Variants in ARL15 observed in about 807,000 individuals in gnomAD.
ARL15 encodes the protein ADP-ribosylation factor-like protein 15.
In ARL15, 19 loss-of-function variants were observed where a neutral mutation model predicts 25.2. The observed-to-expected ratio is 0.75, with a 90% CI of 0.53 to 1.10. The LOEUF (loss-of-function observed/expected upper bound fraction) is 1.10, where lower values mean the gene tolerates loss of function less well. ARL15 is among the 50% of genes least tolerant of loss of function. The probability of loss-of-function intolerance (pLI) is 0.00; values close to 1 mark genes in which losing one functional copy is unlikely to be tolerated. For missense variants in ARL15, 220 were observed against 246.0 expected (o/e 0.89, Z 0.71); for synonymous variants, 94 against 86.8 (o/e 1.08, Z -0.46).
chr5:54,272,760 G>A (rs1199797594), intron 1 of ARL15, among the ~76,000 whole-genome samples: 1 of 152,130 alleles, frequency 6.6e-6, no homozygotes, highest in Admixed American at 6.5e-5. Flanking sequence ...TCTACAGTCA[G>A]AAGGTAAAAA....
chr5:54,176,070 C>G (rs1754863369), intron 1 of ARL15, among the ~76,000 whole-genome samples: 1 of 152,182 alleles, frequency 6.6e-6, no homozygotes, highest in Non-Finnish European at 1.5e-5. Context: ...TCCCCAAGCT[C>G]TTTCTCTAAG....
chr5:54,101,227 T>C (rs1293567535), intron 4 of ARL15, among the ~76,000 whole-genome samples: 1 of 152,102 alleles, frequency 6.6e-6, no homozygotes, highest in African/African-American at 2.4e-5. Context: ...ATCTTAAAAA[T>C]ATGATACAAC....
chr5:54,075,156 T>C (rs1185236761), intron 4 of ARL15, among the ~76,000 whole-genome samples: 1 of 148,348 alleles, frequency 6.7e-6, no homozygotes, highest in East Asian at 2.0e-4. Flanking sequence ...CCAAAGAAGC[T>C]ATTATAAGAT....
chr5:53,899,489 A>G (rs1021486941), intron 4 of ARL15, among the ~76,000 whole-genome samples: 3 of 148,930 alleles, frequency 2.0e-5, no homozygotes, highest in African/African-American at 7.5e-5. Flanking sequence ...TTCTAGTGTA[A>G]TCTTTATTAT....
At chr5:54,196,166 A>C (rs2112468993) in intron 1 of ARL15, among the ~76,000 whole-genome samples, 1 of 152,332 alleles carries the variant, frequency 6.6e-6, no homozygotes, top group South Asian at 2.1e-4. Flanking sequence ...TTTTAGAGCT[A>C]GAAAATACCT....
intron 4 of ARL15, among the ~76,000 whole-genome samples, chr5:54,056,150 G>A (rs1213760818): frequency 2.0e-5 from 3 of 152,134 alleles, no homozygotes; most frequent in Non-Finnish European, 4.4e-5. Flanking sequence ...ATAACTCAAT[G>A]GTCTTGGGCA....
chr5:54,003,662 TTCTATCTATCTATCTATCTA>T (rs34463762), intron 4 of ARL15, among the ~76,000 whole-genome samples: 118 of 138,430 alleles, frequency 8.5e-4, no homozygotes, highest in Middle Eastern at 3.6e-3. Context: ...AATATTTTCT[TTCTATCTATCTATCTATCTA>T]TCTATCTATC....
chr5:54,104,311 T>C (rs1752528811), intron 4 of ARL15, among the ~76,000 whole-genome samples: 1 of 152,218 alleles, frequency 6.6e-6, no homozygotes, highest in African/African-American at 2.4e-5. Context: ...TGCAATAATA[T>C]TAGGGAATGT....
chr5:54,106,059 G>A (rs1459973712), intron 4 of ARL15, among the ~76,000 whole-genome samples: 1 of 152,134 alleles, frequency 6.6e-6, no homozygotes, highest in Non-Finnish European at 1.5e-5. Flanking sequence ...CAATTTCTAT[G>A]AGGGATTTTG....
At chr5:54,025,539 C>T (rs746497005) in intron 4 of ARL15, among the ~76,000 whole-genome samples, 7 of 152,112 alleles carry the variant, frequency 4.6e-5, no homozygotes, top group African/African-American at 1.2e-4. Context: ...AGTGCTATAA[C>T]GAAAAGACAT....
chr5:54,114,403 C>CCAGAAAAAAAAAA (rs1752832009), intron 3 of ARL15, among the ~76,000 whole-genome samples: 2 of 3,686 alleles, frequency 5.4e-4, no homozygotes, highest in Non-Finnish European at 8.9e-4. Flanking sequence ...GGCTCCATCT[C>CCAGAAAAAAAAAA]AAGAAAAAAA....
At chr5:53,972,868 C>A (rs1747797097) in intron 4 of ARL15, among the ~76,000 whole-genome samples, 1 of 152,282 alleles carries the variant, frequency 6.6e-6, no homozygotes, top group African/African-American at 2.4e-5. Context: ...CTGTCTCTTG[C>A]CTTCTGTTAC....
intron 4 of ARL15, among the ~76,000 whole-genome samples, chr5:54,070,481 C>T (rs1269316083): frequency 6.6e-6 from 1 of 152,124 alleles, no homozygotes; most frequent in Admixed American, 6.5e-5. Context: ...GAGTCCCCAC[C>T]AGCAAAAGGC....
At chr5:53,891,965 G>C (rs941605895) in intron 4 of ARL15, among the ~76,000 whole-genome samples, 1 of 152,192 alleles carries the variant, frequency 6.6e-6, no homozygotes, top group African/African-American at 2.4e-5. Flanking sequence ...TCTGAGAAGA[G>C]CACTGTCCTC....
At position 54,065,141 on chromosome 5, in the gene ARL15, A is replaced by C. The variant is rs1296577260; in HGVS notation, c.462+48061T>G. 2.6e-5 allele frequency among the ~76,000 whole-genome samples: 4 copies of C among 152,318 alleles called. No individual in the cohort carries two copies. The East Asian group carries it at 7.7e-4, about 29-fold the overall frequency. On this transcript the variant is annotated intron_variant, in intron 4 of 4. Transcript: ENST00000504924. ...AGAATTAAATAAATTTGAGAAGTAA[A>C]ATGCAAAATAAAAGAGTTTTAATAG...
chr5:54,038,431 A>G (rs1448640100), intron 4 of ARL15, among the ~76,000 whole-genome samples: 1 of 152,170 alleles, frequency 6.6e-6, no homozygotes, highest in East Asian at 1.9e-4. Flanking sequence ...ATAAATTGTT[A>G]AAACATATAT....
intron 4 of ARL15, among the ~76,000 whole-genome samples, chr5:54,066,243 G>C (rs1208276855): frequency 6.6e-6 from 1 of 152,128 alleles, no homozygotes; most frequent in Non-Finnish European, 1.5e-5. Context: ...GCCCCCATTT[G>C]CCAACAGAAA....
chr5:53,907,110 T>C (rs922133158), intron 4 of ARL15, among the ~76,000 whole-genome samples: 1 of 152,062 alleles, frequency 6.6e-6, no homozygotes, highest in Non-Finnish European at 1.5e-5. Flanking sequence ...AATGGTTTCA[T>C]TGAGGCTAGC....
chr5:54,145,687 C>G (rs1753887152), intron 3 of ARL15, among the ~76,000 whole-genome samples: 1 of 152,022 alleles, frequency 6.6e-6, no homozygotes, highest in African/African-American at 2.4e-5. Flanking sequence ...TCCTCAGGGC[C>G]TGGCATGGAG....
Sources: gnomAD v4.1 joint callset for allele counts (sites outside exome capture counted in the v4.1 genomes callset) on GRCh38, gnomAD v4.1.1 for gene constraint, MANE v1.5 for transcripts, NCBI Gene and HGNC (gene_info 2026-07-23, HGNC 2026-07-21) for gene names.